The following CCDC192 variants were observed in gnomAD, a reference collection of about 807,000 sequenced individuals.
CCDC192 encodes coiled-coil domain containing 192, also known as coiled-coil domain-containing protein 192.
intron 5 of CCDC192, among the ~76,000 whole-genome samples, chr5:127,858,105 C>A (rs1751182659): frequency 6.6e-6 from 1 of 152,146 alleles, no homozygotes; most frequent in South Asian, 2.1e-4. Context: ...ATACGAAACA[C>A]CTAGAACAAT....
chr5:127,832,329 A>C (rs1205182032), intron 5 of CCDC192, among the ~76,000 whole-genome samples: 1 of 152,222 alleles, frequency 6.6e-6, no homozygotes. Context: ...GCCATGAGGC[A>C]AACTCGGATT....
At chr5:127,910,498 T>A (rs1428012086) in intron 6 of CCDC192, among the ~76,000 whole-genome samples, 2 of 152,218 alleles carry the variant, frequency 1.3e-5, no homozygotes, top group Non-Finnish European at 2.9e-5. Flanking sequence ...CTTCCAGCTG[T>A]GCTTATAAAT....
chr5:127,844,637 G>A (rs1750446110), intron 5 of CCDC192, among the ~76,000 whole-genome samples: 1 of 152,198 alleles, frequency 6.6e-6, no homozygotes, highest in Non-Finnish European at 1.5e-5. Context: ...CAAAGGGTGA[G>A]GAGACAGGGC....
chr5:127,854,009 A>C (rs1381533995), intron 5 of CCDC192, among the ~76,000 whole-genome samples: 2 of 152,140 alleles, frequency 1.3e-5, no homozygotes, highest in African/African-American at 4.8e-5. Context: ...CTTCATCATG[A>C]AACCATTTAA....
At chr5:127,941,006 A>G in intron 6 of CCDC192, 176 bp from the exon 7 acceptor site, 1 of 393,418 alleles carries the variant, frequency 2.5e-6, no homozygotes, top group East Asian at 3.6e-5. Flanking sequence ...ATGAGCACCC[A>G]GAATCTTTCC....
chr5:127,848,409 G>A (rs1234609885), intron 5 of CCDC192, among the ~76,000 whole-genome samples: 2 of 152,168 alleles, frequency 1.3e-5, no homozygotes, highest in East Asian at 3.8e-4. Context: ...GAGTTTACCT[G>A]ATATCCATTG....
At chr5:127,777,712 C>T (rs1408962758) in intron 3 of CCDC192, among the ~76,000 whole-genome samples, 1 of 152,118 alleles carries the variant, frequency 6.6e-6, no homozygotes, top group African/African-American at 2.4e-5. Flanking sequence ...GGGCCATTCC[C>T]CCATACTGTT....
At chr5:127,838,249 AG>A in intron 5 of CCDC192, among the ~76,000 whole-genome samples, 1 of 152,310 alleles carries the variant, frequency 6.6e-6, no homozygotes, top group East Asian at 1.9e-4. Flanking sequence ...AGTTGGCGTG[AG>A]TATTAATAAG....
intron 6 of CCDC192, among the ~76,000 whole-genome samples, chr5:127,891,890 T>G (rs187250724): frequency 6.6e-6 from 1 of 152,360 alleles, no homozygotes; most frequent in African/African-American, 2.4e-5. Flanking sequence ...TTAGGTTACC[T>G]AACAATTTTT....
intron 2 of CCDC192, among the ~76,000 whole-genome samples, chr5:127,719,748 G>T (rs1010108045): frequency 6.6e-6 from 1 of 150,494 alleles, no homozygotes; most frequent in Admixed American, 6.7e-5. Flanking sequence ...AGAAAGCATG[G>T]CTGGGAGGCT....
intron 3 of CCDC192, among the ~76,000 whole-genome samples, chr5:127,781,346 G>C (rs896232830): frequency 6.6e-6 from 1 of 152,054 alleles, no homozygotes; most frequent in African/African-American, 2.4e-5. Flanking sequence ...CTTTAGAATT[G>C]TTTTTTCTAA....
chr5:127,719,440 T>C lies in CCDC192; in HGVS notation c.114+11680T>C, dbSNP rs569056987. Among the ~76,000 whole-genome samples, 43 of 137,154 alleles carry C rather than the reference T, an allele frequency of 3.1e-4. No homozygotes were observed. In the East Asian group the frequency reaches 4.2e-3, roughly 13 times the overall value. The allele number at this position is 137,154 out of a possible 152,430, so 90.0% of individuals were successfully genotyped here. On this transcript the variant is annotated intron_variant, in intron 2 of 6. Transcript: ENST00000514853. ...ACATATATATATATATACACACACA[T>C]ACATATATATACATACATATATATA...
intron 2 of CCDC192, among the ~76,000 whole-genome samples, chr5:127,743,288 A>T (rs548611957): frequency 1.3e-5 from 2 of 152,014 alleles, no homozygotes; most frequent in East Asian, 1.9e-4. Context: ...GATAAGGCAA[A>T]GGGCACCCGT....
intron 5 of CCDC192, among the ~76,000 whole-genome samples, chr5:127,809,693 C>G (rs1561501068): frequency 6.6e-6 from 1 of 151,806 alleles, no homozygotes; most frequent in Non-Finnish European, 1.5e-5. Flanking sequence ...AGTTTTAATC[C>G]CCAGCTATTT....
intron 2 of CCDC192, among the ~76,000 whole-genome samples, chr5:127,739,151 G>C (rs373222428): frequency 7.0e-4 from 106 of 152,006 alleles, no homozygotes; most frequent in African/African-American, 1.9e-3. Flanking sequence ...TTCTAACAGA[G>C]AGGACCCTCA....
intron 5 of CCDC192, among the ~76,000 whole-genome samples, chr5:127,860,474 T>C (rs1751307370): frequency 1.3e-5 from 2 of 152,210 alleles, no homozygotes; most frequent in Non-Finnish European, 2.9e-5. Flanking sequence ...ACAGAAATGT[T>C]CAATTCTTGC....
intron 6 of CCDC192, among the ~76,000 whole-genome samples, chr5:127,897,189 G>A (rs772149000): frequency 4.0e-5 from 6 of 150,604 alleles, no homozygotes; most frequent in East Asian, 2.0e-4. Context: ...TCCATCTAAC[G>A]AACTAGATAT....
chr5:127,727,965 G>T (rs1343909106), intron 2 of CCDC192, among the ~76,000 whole-genome samples: 1 of 152,136 alleles, frequency 6.6e-6, no homozygotes, highest in African/African-American at 2.4e-5. Context: ...CTATCTTGCT[G>T]AAATAAGACA....
At chr5:127,917,851 G>T (rs1479058501) in intron 6 of CCDC192, among the ~76,000 whole-genome samples, 1 of 152,216 alleles carries the variant, frequency 6.6e-6, no homozygotes, top group Non-Finnish European at 1.5e-5. Flanking sequence ...TGAAAAAATG[G>T]CACTAAAACC....
Sources: gnomAD v4.1 joint callset for allele counts (sites outside exome capture counted in the v4.1 genomes callset) on GRCh38, gnomAD v4.1.1 for gene constraint, MANE v1.5 for transcripts, NCBI Gene and HGNC (gene_info 2026-07-23, HGNC 2026-07-21) for gene names.